PDIA6: variants seen among roughly 807,000 people sequenced by gnomAD.
The protein encoded by PDIA6 is protein disulfide-isomerase A6.
In PDIA6, 29 loss-of-function variants were observed where a neutral mutation model predicts 58.4. That is an observed-to-expected ratio of 0.50 (90% CI 0.37 to 0.68). The LOEUF is 0.68. PDIA6 is among the 30% of genes least tolerant of loss of function. The pLI, the probability that PDIA6 is intolerant of heterozygous loss-of-function variation, is 0.00. For missense variants in PDIA6, 480 were observed against 551.0 expected, an observed-to-expected ratio of 0.87 and a Z score of 1.29; for synonymous variants, 192 against 202.6, an observed-to-expected ratio of 0.95 and a Z score of 0.44.
chr2:10,828,440 C>G (rs375027652), intron 1 of PDIA6, among the ~76,000 whole-genome samples: 365 of 152,336 alleles, frequency 2.4e-3, no homozygotes, highest in African/African-American at 7.7e-3. Context: ...GCCTGGAGCA[C>G]CCTGTTCCAG....
Position 10,791,700 on chromosome 2 carries a change from G to A in PDIA6, c.584+95C>T, listed in dbSNP as rs116455797. 934 of 1,098,950 alleles carry A rather than the reference G, an allele frequency of 8.5e-4. 8 individuals are homozygous for A. The African/African-American group carries it at 0.013, about 16-fold the overall frequency. 68.1% of individuals were successfully genotyped at this position (1,098,950 alleles called of 1,614,324 possible). A position where few individuals can be genotyped will look rare whatever the true frequency, so the allele number is the denominator to read the frequency against. On this transcript the variant is annotated intron_variant, in intron 6 of 12. Coordinates refer to ENST00000272227, the MANE Select transcript of PDIA6 (RefSeq NM_005742.4). ...GAGTTTTGCTGGAAGAGATCTTAGT[G>A]GTGATCTATTATCTACTTCAGCTCT... is the stretch of plus-strand genomic sequence containing the variant.
At chr2:10,790,953 G>A (rs559870682) in intron 6 of PDIA6, 120 bp from the exon 7 acceptor site, 2 of 678,632 alleles carry the variant, frequency 2.9e-6, no homozygotes, top group African/African-American at 3.5e-5. Flanking sequence ...GGGCTCAGGT[G>A]ATCTCATTTC....
At chr2:10,799,025 G>A (rs972431264) in intron 2 of PDIA6, among the ~76,000 whole-genome samples, 19 of 134,640 alleles carry the variant, frequency 1.4e-4, no homozygotes, top group African/African-American at 4.8e-4. Flanking sequence ...GGGGGAGGCA[G>A]GGAAAGCGGA....
chr2:10,794,807 A>G (rs1187056862), intron 4 of PDIA6, among the ~76,000 whole-genome samples: 1 of 151,926 alleles, frequency 6.6e-6, no homozygotes, highest in Non-Finnish European at 1.5e-5. Context: ...CATGTCTGTA[A>G]TCCCAGCTAC....
At chr2:10,812,603 G>T (rs1420445946) in intron 1 of PDIA6, 75 bp downstream of exon 1, 2 of 1,392,350 alleles carry the variant, frequency 1.4e-6, no homozygotes, top group African/African-American at 1.5e-5. Flanking sequence ...CGGCCCGCCG[G>T]GGAACGGCCT....
chr2:10,787,197 T>G, intron 11 of PDIA6, 84 bp downstream of exon 11: 1 of 1,142,348 alleles, frequency 8.8e-7, no homozygotes, highest in Non-Finnish European at 1.3e-6. Flanking sequence ...TTACCTGGCT[T>G]ATATATACCT....
At chr2:10,813,180 C>T (rs181230261), upstream of PDIA6, among the ~76,000 whole-genome samples, 10 of 152,348 alleles carry the variant, frequency 6.6e-5, no homozygotes, top group African/African-American at 2.2e-4. Flanking sequence ...CCTCAGGGCA[C>T]CCACGGTCCT....
Position 10,804,312 on chromosome 2 carries a change from G to A in PDIA6, c.20-1672C>T, listed in dbSNP as rs536338733. ...GGGTTTTTATGGTTTTAGGTCTAAC[G>A]TTTAAGTCTTTAATCCATCTTGAAT... On this transcript the variant is annotated intron_variant, in intron 1 of 12. Coordinates refer to ENST00000272227, the MANE Select transcript of PDIA6 (RefSeq NM_005742.4). 4.7e-5 allele frequency among the ~76,000 whole-genome samples: 7 copies of A among 147,526 alleles called. No homozygotes were observed. The South Asian group carries it at 1.1e-3, about 23-fold the overall frequency.
upstream of PDIA6, chr2:10,812,816 G>A (rs1337604221): frequency 1.7e-6 from 2 of 1,186,702 alleles, no homozygotes; most frequent in African/African-American, 1.6e-5. Flanking sequence ...TCCGAGGGGC[G>A]GCCGCGCGGG....
intron 1 of PDIA6, among the ~76,000 whole-genome samples, chr2:10,806,622 T>TAAAGAAGAAAGAAAGAAAGAAAGAAAG (rs1207473085): frequency 2.1e-5 from 1 of 48,692 alleles, no homozygotes; most frequent in African/African-American, 4.3e-5. Context: ...TCCTAAAAAA[T>TAAAGAAGAAAGAAAGAAAGAAAGAAAG]AAAGACAGAA....
At chr2:10,786,407 G>A (rs75318934) in intron 11 of PDIA6, among the ~76,000 whole-genome samples, 172 of 152,204 alleles carry the variant, frequency 1.1e-3, no homozygotes, top group Middle Eastern at 0.01. Flanking sequence ...GCCCCCCGCC[G>A]GCAGAGGCTG....
At chr2:10,837,350 A>G (rs1231093575), upstream of PDIA6, among the ~76,000 whole-genome samples, 1 of 152,240 alleles carries the variant, frequency 6.6e-6, no homozygotes, top group Non-Finnish European at 1.5e-5. Flanking sequence ...AGTTCCCTGA[A>G]GAATTAGAAG....
chr2:10,829,076 G>T (rs80211293), intron 1 of PDIA6, among the ~76,000 whole-genome samples: 5,432 of 152,292 alleles, frequency 0.036, 133 homozygotes, highest in Middle Eastern at 0.061. Flanking sequence ...GCTTCAACAG[G>T]TCTTCGTGCC....
At chr2:10,813,120 C>G (rs1266046515), upstream of PDIA6, among the ~76,000 whole-genome samples, 2 of 152,114 alleles carry the variant, frequency 1.3e-5, no homozygotes, top group Non-Finnish European at 2.9e-5. Flanking sequence ...CCGCCTCCTC[C>G]TTGCCTGTGT....
chr2:10,806,669 G>C (rs932315952), intron 1 of PDIA6, among the ~76,000 whole-genome samples: 1 of 120,502 alleles, frequency 8.3e-6, no homozygotes, highest in African/African-American at 2.8e-5. Context: ...GTAAATTAAG[G>C]TTAATCTATT....
chr2:10,830,987 C>T (rs113456708), intron 1 of PDIA6, among the ~76,000 whole-genome samples: 2,339 of 152,288 alleles, frequency 0.015, 77 homozygotes, highest in African/African-American at 0.053. Flanking sequence ...CCTCCTGCAC[C>T]GGCCCAGCCC....
chr2:10,832,918 C>A (rs555329641), upstream of PDIA6, among the ~76,000 whole-genome samples: 7 of 150,646 alleles, frequency 4.6e-5, no homozygotes, highest in East Asian at 2.0e-4. Context: ...GCTGGTCCCA[C>A]CCCCCGCCCC....
upstream of PDIA6, among the ~76,000 whole-genome samples, chr2:10,835,146 G>C (rs999409562): frequency 2.6e-5 from 4 of 152,016 alleles, no homozygotes; most frequent in African/African-American, 7.2e-5. Context: ...CAGCACCAGC[G>C]CCTGTGTGTG....
At chr2:10,784,493 G>C (rs1665604988) in intron 12 of PDIA6, 167 bp from the exon 13 acceptor site, 11 of 560,716 alleles carry the variant, frequency 2.0e-5, no homozygotes, top group Non-Finnish European at 3.4e-5. Context: ...TATACGGATG[G>C]AAAAGCTCAG....
Sources: allele counts gnomAD v4.1 joint callset (sites outside exome capture counted in the v4.1 genomes callset), GRCh38; gene constraint gnomAD v4.1.1; transcripts MANE v1.5; gene names NCBI Gene and HGNC (gene_info 2026-07-23, HGNC 2026-07-21).